Variants in IGSF3 observed in about 807,000 individuals in gnomAD.
IGSF3 encodes glu-Trp-Ile EWI motif-containing protein 3.
In IGSF3, 23 loss-of-function variants were observed where a neutral mutation model predicts 114.4. The observed-to-expected ratio is 0.20, with a 90% CI of 0.14 to 0.28. The LOEUF (loss-of-function observed/expected upper bound fraction) is 0.28, where lower values mean the gene tolerates loss of function less well. Ranked by LOEUF, IGSF3 falls within the 10% of genes least tolerant of loss-of-function variation. The pLI, the probability that IGSF3 is intolerant of heterozygous loss-of-function variation, is 1.00. For missense variants in IGSF3, 1,172 were observed against 1,591.5 expected, an observed-to-expected ratio of 0.74 and a Z score of 4.48; for synonymous variants, 571 against 645.2, an observed-to-expected ratio of 0.88 and a Z score of 1.74.
At position 116,589,085 on chromosome 1, in the gene IGSF3, G is replaced by A; in HGVS notation, c.2049C>T (p.Ser683=). 6.2e-7 allele frequency: 1 copy of A among 1,613,518 alleles called. No homozygotes were observed. Among genetic ancestry groups the A allele is most frequent in the Non-Finnish European group, 8.5e-7 (1 of 1,179,576 alleles). The change falls in exon 8 of 11, where the codon AGC becomes AGT. Residue 683 remains serine (S), a synonymous_variant. Coordinates refer to ENST00000369486, the MANE Select transcript of IGSF3 (RefSeq NM_001007237.3). The surrounding 1 kb of genome is among the most constrained non-coding windows in gnomAD (Gnocchi z 5.7). ...CCAGGGTGAGGGTCCTCTTCGATTT[G>A]CTCACCTGCAGCTTTGTCACTGCAA... ...VLQPVTKLQV[S]KSKRTLTLVE...
chr1:116,658,565 A>T (rs951124113), intron 2 of IGSF3, among the ~76,000 whole-genome samples: 7 of 146,202 alleles, frequency 4.8e-5, no homozygotes, highest in African/African-American at 1.8e-4. Context: ...AATTTTTACA[A>T]ATCTACACCC....
At chr1:116,609,063 G>A (rs1660911383) in intron 4 of IGSF3, among the ~76,000 whole-genome samples, 1 of 151,890 alleles carries the variant, frequency 6.6e-6, no homozygotes, top group East Asian at 2.0e-4. Context: ...ACCTACTTTA[G>A]TGGGAAAGTA....
chr1:116,585,145 A>T lies in IGSF3; in HGVS notation c.2441-93T>A. On this transcript the variant is annotated intron_variant, in intron 8 of 10. Transcript: ENST00000369486. This position sits in a 1 kb window ranked among gnomAD's most constrained non-coding sequence, Gnocchi z 4.9. ...GGGTAGGTGAATGGATGCCTTCCAA[A>T]TACAGAAGGACGGCAGCACACACTC... The T allele has an allele frequency of 1.1e-6, 1 of 935,496 alleles. No individual in the cohort carries two copies. The highest frequency in any genetic ancestry group is 1.9e-5 in the South Asian group (1 of 53,650). 57.9% of individuals were successfully genotyped at this position (935,496 alleles called of 1,614,324 possible).
chr1:116,647,447 G>A lies in IGSF3; in HGVS notation c.43+18837C>T, dbSNP rs556710385. On this transcript the variant is annotated intron_variant, in intron 2 of 10. Coordinates refer to ENST00000369486, the MANE Select transcript of IGSF3 (RefSeq NM_001007237.3). The surrounding 1 kb of genome is among the most constrained non-coding windows in gnomAD (Gnocchi z 4.6). Reference sequence around the variant, plus strand: ...CATGTCTACAGCCAATCAGCTGACCGGGGTGGCAACCCCTGGCTCTGCTCA... The same window carrying A: ...CATGTCTACAGCCAATCAGCTGACCAGGGTGGCAACCCCTGGCTCTGCTCA... Among the ~76,000 whole-genome samples, 15 of 152,302 alleles carry A rather than the reference G, an allele frequency of 9.8e-5. No homozygotes were observed. The highest frequency in any genetic ancestry group is 3.4e-3 in the Middle Eastern group (1 of 294).
In IGSF3 at chr1:116,664,526, C is replaced by T. The variant is rs1400500790; in HGVS notation, c.43+1758G>A. On this transcript the variant is annotated intron_variant, in intron 2 of 10. Transcript: ENST00000369486. The surrounding 1 kb of genome is among the most constrained non-coding windows in gnomAD (Gnocchi z 4.6). ...CCTCTTTCCCGCCTTAGCCACACAC[C>T]CCACCCCACATCCAAACCTCCCCAA... Among the ~76,000 whole-genome samples the T allele has an allele frequency of 1.3e-5, 2 of 152,198 alleles. No homozygotes were observed. Among genetic ancestry groups the T allele is most frequent in the Non-Finnish European group, 2.9e-5 (2 of 68,032 alleles).
rs1647940901 is a variant in IGSF3, at chr1:116,638,638, C to A, written c.44-22181G>T. On this transcript the variant is annotated intron_variant, in intron 2 of 10. Coordinates refer to ENST00000369486, the MANE Select transcript of IGSF3 (RefSeq NM_001007237.3). The surrounding 1 kb of genome is among the most constrained non-coding windows in gnomAD (Gnocchi z 4.1). ...TCACACCTAAAGGCTATGCTTACAT[C>A]GTTTTCCATCTCTTGTGTTGGTGAG... Among the ~76,000 whole-genome samples the A allele has an allele frequency of 6.6e-6, 1 of 152,066 alleles. No homozygotes were observed. Among genetic ancestry groups the A allele is most frequent in the Non-Finnish European group, 1.5e-5 (1 of 68,030 alleles).
intron 2 of IGSF3, among the ~76,000 whole-genome samples, chr1:116,631,661 T>C (rs1571174961): frequency 6.6e-6 from 1 of 152,302 alleles, no homozygotes; most frequent in South Asian, 2.1e-4. Flanking sequence ...AGGCAACTAC[T>C]GGGGAGAAGT....
rs1417227974 is a variant in IGSF3 at position 116,662,939 on chromosome 1, T to C, written c.43+3345A>G. On this transcript the variant is annotated intron_variant, in intron 2 of 10. Coordinates refer to ENST00000369486, the MANE Select transcript of IGSF3 (RefSeq NM_001007237.3). The surrounding 1 kb of genome is among the most constrained non-coding windows in gnomAD (Gnocchi z 4.3). The stretch of plus-strand genomic sequence containing the variant: ...CTTTCAGAAGCCTTTTCTAACTAAC[T>C]GGGAAGTAAGAGATGGCTTCCTCAG... Among the ~76,000 whole-genome samples the C allele has an allele frequency of 1.3e-5, 2 of 152,152 alleles. No individual in the cohort carries two copies. Among genetic ancestry groups the C allele is most frequent in the Non-Finnish European group, 2.9e-5 (2 of 68,024 alleles).
At position 116,579,659 on chromosome 1, in the gene IGSF3, C is replaced by CGTT. The variant is rs760018949; in HGVS notation, c.3066_3067insAAC (p.Asp1022_Asp1023insAsn). 3.2e-6 allele frequency: 5 copies of CGTT among 1,585,154 alleles called. No individual in the cohort carries two copies. Among genetic ancestry groups the CGTT allele is most frequent in the South Asian group, 2.2e-5 (2 of 90,322 alleles). On this transcript the variant is annotated inframe_insertion, in exon 10 of 11. Coordinates refer to ENST00000369486, the MANE Select transcript of IGSF3 (RefSeq NM_001007237.3). The surrounding 1 kb of genome is among the most constrained non-coding windows in gnomAD (Gnocchi z 6.4). ...GTCCGCTCTGTTGGGTCGTCGTCGT[C>CGTT]GTCGTCGTCCTCCTCCTCCTCCTCC...
At chr1:116,590,396 T>C (rs993095189) in intron 7 of IGSF3, among the ~76,000 whole-genome samples, 4 of 151,928 alleles carry the variant, frequency 2.6e-5, no homozygotes, top group Admixed American at 6.6e-5. Context: ...AAAAAACAAT[T>C]CTAAGTTCCT....
Position 116,647,357 on chromosome 1 carries a change from C to G in IGSF3, c.43+18927G>C, listed in dbSNP as rs1254875210. 6.6e-6 allele frequency among the ~76,000 whole-genome samples: 1 copy of G among 152,198 alleles called. No individual in the cohort carries two copies. The highest frequency in any genetic ancestry group is 2.1e-4 in the South Asian group (1 of 4,828). Reference sequence around the variant, plus strand: ...GGAGGTGACAATGGGGTCCAAAGGTCGTGCCTTTATGGCTCGCAACTATGT... The same window carrying G: ...GGAGGTGACAATGGGGTCCAAAGGTGGTGCCTTTATGGCTCGCAACTATGT... On this transcript the variant is annotated intron_variant, in intron 2 of 10. Coordinates refer to ENST00000369486, the MANE Select transcript of IGSF3 (RefSeq NM_001007237.3). The surrounding 1 kb of genome is among the most constrained non-coding windows in gnomAD (Gnocchi z 4.6).
Position 116,647,036 on chromosome 1 carries a change from C to T in IGSF3, c.43+19248G>A, listed in dbSNP as rs377074232. 15 of 152,610 alleles carry T rather than the reference C, an allele frequency of 9.8e-5. No individual in the cohort carries two copies. The South Asian group carries it at 1.0e-3, about 11-fold the overall frequency. The allele number at this position is 152,610 out of a possible 1,614,324, so 9.5% of individuals were successfully genotyped here. On this transcript the variant is annotated intron_variant, in intron 2 of 10. Coordinates refer to ENST00000369486, the MANE Select transcript of IGSF3 (RefSeq NM_001007237.3). The surrounding 1 kb of genome is among the most constrained non-coding windows in gnomAD (Gnocchi z 4.6). The stretch of plus-strand genomic sequence containing the variant: ...AACAAAGGAAATCCTAAAGAGCAGG[C>T]GAGAGAACAGTGGAACTGGCAGAGA...
At position 116,598,648 on chromosome 1, in the gene IGSF3, T is replaced by C. The variant is rs1660441230; in HGVS notation, c.2029+1293A>G. On this transcript the variant is annotated intron_variant, in intron 7 of 10. Coordinates refer to ENST00000369486, the MANE Select transcript of IGSF3 (RefSeq NM_001007237.3). The surrounding 1 kb of genome is among the most constrained non-coding windows in gnomAD (Gnocchi z 4.3). ...TAGGTCAGGCACTAACCATGGCTGT[T>C]AGTGGGCAGAAAAATCCCTTTGGCA... 6.6e-6 allele frequency among the ~76,000 whole-genome samples: 1 copy of C among 152,196 alleles called. No individual in the cohort carries two copies. Among genetic ancestry groups the C allele is most frequent in the South Asian group, 2.1e-4 (1 of 4,836 alleles).
rs1648130159 is a variant in IGSF3, at chr1:116,642,070, C to T, written c.43+24214G>A. Among the ~76,000 whole-genome samples, 1 of 151,974 alleles carries T rather than the reference C, an allele frequency of 6.6e-6. No homozygotes were observed. ...AAGCATGAGCCACTGTGCCCCAGCC[C>T]AACATCAGATTTCAAAAGTACTACT... On this transcript the variant is annotated intron_variant, in intron 2 of 10. Transcript: ENST00000369486. The surrounding 1 kb of genome is among the most constrained non-coding windows in gnomAD (Gnocchi z 5.4).
intron 2 of IGSF3, among the ~76,000 whole-genome samples, chr1:116,663,844 C>A (rs907712350): frequency 6.6e-6 from 1 of 152,252 alleles, no homozygotes; most frequent in South Asian, 2.1e-4. Flanking sequence ...GAGCACTTAG[C>A]CTTATCCAAC....
At chr1:116,580,203 A>G (rs1475087370) in intron 9 of IGSF3, among the ~76,000 whole-genome samples, 1 of 152,090 alleles carries the variant, frequency 6.6e-6, no homozygotes, top group East Asian at 1.9e-4. Context: ...TCCCGGGGGG[A>G]AGAGGTGTTT....
chr1:116,608,433 A>C (rs1007932081), intron 4 of IGSF3, 102 bp from the exon 5 acceptor site: 1 of 874,092 alleles, frequency 1.1e-6, no homozygotes, highest in African/African-American at 1.7e-5. Flanking sequence ...CTTCTTTACA[A>C]TACTAACTGC....
intron 2 of IGSF3, among the ~76,000 whole-genome samples, chr1:116,643,616 G>A (rs1283063417): frequency 1.3e-5 from 2 of 152,246 alleles, no homozygotes; most frequent in Non-Finnish European, 2.9e-5. Flanking sequence ...CAGGCACAGC[G>A]ACTGACAAGG....
Position 116,662,659 on chromosome 1 carries a change from CAAG to C in IGSF3, c.43+3622_43+3624del, listed in dbSNP as rs1649164461. Among the ~76,000 whole-genome samples the C allele has an allele frequency of 6.6e-6, 1 of 152,178 alleles. No homozygotes were observed. The highest frequency in any genetic ancestry group is 6.5e-5 in the Admixed American group (1 of 15,278). On this transcript the variant is annotated intron_variant, in intron 2 of 10. Coordinates refer to ENST00000369486, the MANE Select transcript of IGSF3 (RefSeq NM_001007237.3). This position sits in a 1 kb window ranked among gnomAD's most constrained non-coding sequence, Gnocchi z 4.3. The stretch of plus-strand genomic sequence containing the variant: ...ATCCTAGTAGGCCAAGTCCTCCTGA[CAAG>C]AATTTCCTTCTCCTGCACCCTTGTC...
Sources: allele counts gnomAD v4.1 joint callset (sites outside exome capture counted in the v4.1 genomes callset), GRCh38; gene constraint gnomAD v4.1.1; non-coding constraint Gnocchi (gnomAD v3.1); transcripts MANE v1.5; gene names NCBI Gene and HGNC (gene_info 2026-07-23, HGNC 2026-07-21).